The following ATG10 variants were observed in gnomAD, a reference collection of about 807,000 sequenced individuals.
The protein encoded by ATG10 is ubiquitin-like-conjugating enzyme ATG10.
Under a neutral mutation model 32.1 loss-of-function variants are expected in ATG10, and 30 were observed. The ratio of observed to expected loss-of-function variants is 0.94; its 90% CI spans 0.70 to 1.27. The LOEUF is 1.27. Among genes scored for constraint, ATG10 ranks in the 50% most tolerant of loss-of-function variants. The pLI, the probability that ATG10 is intolerant of heterozygous loss-of-function variation, is 0.00. For missense variants in ATG10, 233 were observed against 262.3 expected (o/e 0.89, Z 0.77); for synonymous variants, 87 against 91.5 (o/e 0.95, Z 0.28).
At chr5:82,206,531 T>C (rs1485023585) in intron 5 of ATG10, among the ~76,000 whole-genome samples, 1 of 151,654 alleles carries the variant, frequency 6.6e-6, no homozygotes, top group Non-Finnish European at 1.5e-5. Context: ...GTGCCTGTGG[T>C]CCCAGCTACT....
chr5:82,158,180 A>G (rs374768320), intron 3 of ATG10, among the ~76,000 whole-genome samples: 121 of 152,316 alleles, frequency 7.9e-4, no homozygotes, highest in South Asian at 3.1e-3. Flanking sequence ...ATTGAATTCA[A>G]TAAAATCAAG....
At chr5:82,182,941 T>G (rs1040836766) in intron 5 of ATG10, among the ~76,000 whole-genome samples, 6 of 152,086 alleles carry the variant, frequency 3.9e-5, no homozygotes, top group Admixed American at 2.0e-4. Context: ...ATGGGGGTCT[T>G]ACTATGTTCC....
At chr5:82,164,623 A>C in intron 4 of ATG10, 86 bp downstream of exon 4, 1 of 1,265,958 alleles carries the variant, frequency 7.9e-7, no homozygotes, top group South Asian at 1.5e-5. Flanking sequence ...TCTCCAGAGG[A>C]AAAAAAATAG....
At position 82,164,397 on chromosome 5, in the gene ATG10, A is replaced by G; in HGVS notation, c.217-2A>G. On this transcript the variant is annotated splice_acceptor_variant, in intron 3 of 7. Transcript: ENST00000282185. LOFTEE classifies it high-confidence loss of function. ...TTTCGTTTTGTTTTTGCTTTTTTTT[A>G]GGAGGCTTTCGAGCTACCCTTGGAT... is the stretch of plus-strand genomic sequence containing the variant. The G allele has an allele frequency of 6.2e-7, 1 of 1,612,552 alleles. No individual in the cohort carries two copies. Among genetic ancestry groups the G allele is most frequent in the South Asian group, 1.1e-5 (1 of 90,794 alleles).
At chr5:82,186,349 G>A (rs7736487) in intron 5 of ATG10, among the ~76,000 whole-genome samples, 2 of 151,978 alleles carry the variant, frequency 1.3e-5, no homozygotes, top group Non-Finnish European at 2.9e-5. Context: ...TTGTAGAAAC[G>A]TTCCTATGTT....
At chr5:82,231,536 G>GTTT (rs1746368678) in intron 5 of ATG10, among the ~76,000 whole-genome samples, 1 of 152,130 alleles carries the variant, frequency 6.6e-6, no homozygotes, top group Non-Finnish European at 1.5e-5. Context: ...TAGTAGCATA[G>GTTT]TTTTTTGTTA....
chr5:82,230,561 A>G (rs887666513), intron 5 of ATG10, among the ~76,000 whole-genome samples: 2 of 151,864 alleles, frequency 1.3e-5, no homozygotes, highest in African/African-American at 2.4e-5. Context: ...GTGAAACCCC[A>G]TCTCTACTAA....
At chr5:81,997,782 G>C (rs867993075) in intron 2 of ATG10, among the ~76,000 whole-genome samples, 6 of 152,124 alleles carry the variant, frequency 3.9e-5, no homozygotes, top group African/African-American at 1.4e-4. Flanking sequence ...GCTGAGGAAA[G>C]AATCTAAGAG....
chr5:82,224,402 T>C (rs1330257549), intron 5 of ATG10, among the ~76,000 whole-genome samples: 1 of 152,222 alleles, frequency 6.6e-6, no homozygotes, highest in Non-Finnish European at 1.5e-5. Flanking sequence ...CTGAGGTCCA[T>C]AGCTCTCATT....
chr5:82,070,380 T>G (rs1353941553), intron 3 of ATG10, among the ~76,000 whole-genome samples: 1 of 152,184 alleles, frequency 6.6e-6, no homozygotes, highest in Admixed American at 6.5e-5. Context: ...TATTCTGAAA[T>G]AACATTATTA....
At chr5:82,054,753 G>C (rs574831244) in intron 2 of ATG10, among the ~76,000 whole-genome samples, 1 of 152,148 alleles carries the variant, frequency 6.6e-6, no homozygotes, top group African/African-American at 2.4e-5. Flanking sequence ...TCTGGATCAG[G>C]TTGTTATGTG....
At chr5:82,115,018 TTAAA>T (rs1454987875) in intron 3 of ATG10, among the ~76,000 whole-genome samples, 1 of 152,068 alleles carries the variant, frequency 6.6e-6, no homozygotes, top group East Asian at 1.9e-4. Flanking sequence ...AAATTTCAGT[TTAAA>T]TAGTCATGTG....
chr5:82,125,806 G>C (rs967628955), intron 3 of ATG10, among the ~76,000 whole-genome samples: 5 of 152,122 alleles, frequency 3.3e-5, no homozygotes, highest in Non-Finnish European at 5.9e-5. Context: ...TTCTAAGTCT[G>C]TGAAGAAAGT....
intron 3 of ATG10, among the ~76,000 whole-genome samples, chr5:82,161,578 A>G (rs1480636793): frequency 6.6e-6 from 1 of 152,092 alleles, no homozygotes; most frequent in African/African-American, 2.4e-5. Context: ...CAGGCAGTCT[A>G]TTTCTGCACT....
In ATG10 at chr5:82,106,693, C is replaced by CTA. The variant is rs373899729; in HGVS notation, c.216+48093_216+48094dup. ...ATGGTATCATTTTCTTAACAATGGA[C>CTA]TATCATAAGCTATATCATAGCTCTT... is the stretch of plus-strand genomic sequence containing the variant. On this transcript the variant is annotated intron_variant, in intron 3 of 7. Coordinates refer to ENST00000282185, the MANE Select transcript of ATG10 (RefSeq NM_031482.5). Among the ~76,000 whole-genome samples, 720 of 152,142 alleles carry CTA rather than the reference C, an allele frequency of 4.7e-3. 4 individuals carry two copies. Among genetic ancestry groups the CTA allele is most frequent in the African/African-American group, 0.016 (672 of 41,540 alleles).
intron 2 of ATG10, among the ~76,000 whole-genome samples, chr5:81,993,762 A>G (rs906448350): frequency 7.9e-5 from 12 of 152,128 alleles, no homozygotes; most frequent in African/African-American, 2.2e-4. Context: ...GCTGTGTCAG[A>G]ATTTTTAGTT....
chr5:82,215,418 A>G (rs1247482169), intron 5 of ATG10, among the ~76,000 whole-genome samples: 8 of 152,240 alleles, frequency 5.3e-5, no homozygotes, highest in Admixed American at 5.2e-4. Context: ...GATCCAGCCC[A>G]TACGCAAGGG....
rs564647858 is a variant in ATG10 at position 82,119,546 on chromosome 5, C to T, written c.217-44853C>T. On this transcript the variant is annotated intron_variant, in intron 3 of 7. Transcript: ENST00000282185. ...CATGATTTTGGCTCACTGCAACCTC[C>T]GCCTCCTGGGTTCAAGTGATTCTCC... Among the ~76,000 whole-genome samples the T allele has an allele frequency of 1.2e-4, 19 of 152,124 alleles. No individual in the cohort carries two copies. The South Asian group carries it at 3.3e-3, about 27-fold the overall frequency.
chr5:82,005,981 A>G (rs1305156787), intron 2 of ATG10, among the ~76,000 whole-genome samples: 5 of 151,194 alleles, frequency 3.3e-5, no homozygotes. Context: ...TACCAGAAAT[A>G]TTTTATCTCC....
Sources: gnomAD v4.1 joint callset for allele counts (sites outside exome capture counted in the v4.1 genomes callset) on GRCh38, gnomAD v4.1.1 for gene constraint, MANE v1.5 for transcripts, NCBI Gene and HGNC (gene_info 2026-07-23, HGNC 2026-07-21) for gene names.